The following GMDS variants were observed in gnomAD, a reference collection of about 807,000 sequenced individuals.
GMDS encodes GDP-mannose 4,6 dehydratase.
Under a neutral mutation model 49.9 loss-of-function variants are expected in GMDS, and 20 were observed. The observed-to-expected ratio is 0.40, with a 90% CI of 0.28 to 0.58. The LOEUF (loss-of-function observed/expected upper bound fraction) is 0.58. Among genes scored for constraint, GMDS ranks in the 20% least tolerant of loss-of-function variants. The pLI, the probability that GMDS is intolerant of heterozygous loss-of-function variation, is 0.42. For missense variants in GMDS, 362 were observed against 481.4 expected (o/e 0.75, Z 2.32); for synonymous variants, 177 against 178.6 (o/e 0.99, Z 0.07).
At position 1,623,958 on chromosome 6, in the gene GMDS, C is replaced by G; in HGVS notation, c.*211G>C. 1.9e-6 allele frequency: 1 copy of G among 526,838 alleles called. No individual in the cohort carries two copies. 32.6% of individuals were successfully genotyped at this position (526,838 alleles called of 1,614,324 possible). ...GCCATTCAGAGGAGGCTTCGACAAACGCAAAGCGACCCAAACCCTGGAGGG... is the reference window on the plus strand; with the variant it reads ...GCCATTCAGAGGAGGCTTCGACAAAGGCAAAGCGACCCAAACCCTGGAGGG... On this transcript the variant is annotated 3_prime_UTR_variant, in exon 11 of 11. Coordinates refer to ENST00000380815, the MANE Select transcript of GMDS (RefSeq NM_001500.4).
chr6:1,959,804 A>G (rs949322385), intron 6 of GMDS, 63 bp downstream of exon 6: 20 of 929,468 alleles, frequency 2.2e-5, no homozygotes, highest in Non-Finnish European at 3.4e-5. Flanking sequence ...CACCAAATAG[A>G]CATGCAACTT....
intron 7 of GMDS, among the ~76,000 whole-genome samples, chr6:1,908,133 G>T (rs1264611024): frequency 2.0e-5 from 3 of 152,140 alleles, no homozygotes. Flanking sequence ...GCTACTAAGA[G>T]ACTAATGGGT....
chr6:2,147,975 G>A (rs1776653085), intron 1 of GMDS, among the ~76,000 whole-genome samples: 4 of 151,878 alleles, frequency 2.6e-5, no homozygotes, highest in Admixed American at 1.3e-4. Flanking sequence ...TACGTTAGGA[G>A]TAGAATCTTG....
intron 7 of GMDS, among the ~76,000 whole-genome samples, chr6:1,868,441 C>T (rs1025605983): frequency 6.6e-6 from 1 of 152,114 alleles, no homozygotes; most frequent in Non-Finnish European, 1.5e-5. Context: ...CCGCAGTGAT[C>T]CCGGTTGAAT....
intron 1 of GMDS, among the ~76,000 whole-genome samples, chr6:2,162,602 C>T (rs1264686258): frequency 6.7e-6 from 1 of 149,820 alleles, no homozygotes; most frequent in South Asian, 2.1e-4. Flanking sequence ...TTATTGCTAG[C>T]AAAATTATTC....
At chr6:1,688,156 C>T (rs1765050764) in intron 9 of GMDS, among the ~76,000 whole-genome samples, 1 of 152,118 alleles carries the variant, frequency 6.6e-6, no homozygotes, top group Admixed American at 6.5e-5. Context: ...GTGAGTGAAC[C>T]GTTCGCTGAT....
intron 1 of GMDS, among the ~76,000 whole-genome samples, chr6:2,161,540 G>C (rs558660460): frequency 6.6e-6 from 1 of 152,262 alleles, no homozygotes; most frequent in South Asian, 2.1e-4. Context: ...GTTTCTTGGA[G>C]GTTTTCTGTT....
intron 9 of GMDS, among the ~76,000 whole-genome samples, chr6:1,651,050 G>A (rs968391059): frequency 1.2e-4 from 18 of 152,236 alleles, no homozygotes; most frequent in Non-Finnish European, 2.6e-4. Context: ...TTGGTGAGTG[G>A]TTTTCCTGGG....
At chr6:1,871,615 T>A (rs561191581) in intron 7 of GMDS, among the ~76,000 whole-genome samples, 1 of 152,362 alleles carries the variant, frequency 6.6e-6, no homozygotes, top group African/African-American at 2.4e-5. Context: ...ACCAATTTTA[T>A]AATAGAAAAA....
chr6:2,028,977 G>C (rs1423254119), intron 4 of GMDS, among the ~76,000 whole-genome samples: 1 of 151,380 alleles, frequency 6.6e-6, no homozygotes, highest in Non-Finnish European at 1.5e-5. Context: ...TGGCTCTGCT[G>C]GGTGATTTTT....
intron 2 of GMDS, among the ~76,000 whole-genome samples, chr6:2,119,787 T>C (rs1311144718): frequency 6.6e-6 from 1 of 152,208 alleles, no homozygotes; most frequent in Non-Finnish European, 1.5e-5. Context: ...AAAAACAAAA[T>C]ATAATTCTGA....
At chr6:2,164,775 T>C (rs1374206368) in intron 1 of GMDS, among the ~76,000 whole-genome samples, 1 of 152,226 alleles carries the variant, frequency 6.6e-6, no homozygotes, top group Non-Finnish European at 1.5e-5. Context: ...TAATACAACT[T>C]AAGGTTCTCC....
intron 4 of GMDS, among the ~76,000 whole-genome samples, chr6:2,111,121 G>T (rs964278525): frequency 6.6e-6 from 1 of 152,142 alleles, no homozygotes; most frequent in Non-Finnish European, 1.5e-5. Context: ...AGACATGGGG[G>T]ACGAATCGAA....
chr6:1,966,035 T>C (rs577334028), intron 4 of GMDS, among the ~76,000 whole-genome samples: 1 of 152,268 alleles, frequency 6.6e-6, no homozygotes, highest in Admixed American at 6.5e-5. Flanking sequence ...TGTTTACAGG[T>C]CTTCTATGCT....
chr6:1,750,160 C>G (rs1278805640), intron 7 of GMDS, among the ~76,000 whole-genome samples: 1 of 152,160 alleles, frequency 6.6e-6, no homozygotes, highest in Non-Finnish European at 1.5e-5. Context: ...AAGTTGTGTC[C>G]AATTTCATTG....
intron 7 of GMDS, among the ~76,000 whole-genome samples, chr6:1,811,820 A>G (rs1156839598): frequency 1.3e-5 from 2 of 152,216 alleles, no homozygotes; most frequent in African/African-American, 4.8e-5. Flanking sequence ...GGTCCATTAC[A>G]GTACAATGTC....
Position 1,819,776 on chromosome 6 carries a change from A to AATAT in GMDS, c.772-77194_772-77191dup, listed in dbSNP as rs397742149. ...ACTCTGCCTCAAAAAAAAAAAAAAA[A>AATAT]ATATATATATATATATATATATCTA... is the stretch of plus-strand genomic sequence containing the variant. On this transcript the variant is annotated intron_variant, in intron 7 of 10. Transcript: ENST00000380815. Among the ~76,000 whole-genome samples, 372 of 103,458 alleles carry AATAT rather than the reference A, an allele frequency of 3.6e-3. 2 individuals carry two copies. The highest frequency in any genetic ancestry group is 7.5e-3 in the East Asian group (28 of 3,722). The allele number at this position is 103,458 out of a possible 152,430, so 67.9% of individuals were successfully genotyped here.
At chr6:2,208,866 A>C (rs1016887637) in intron 1 of GMDS, among the ~76,000 whole-genome samples, 15 of 151,830 alleles carry the variant, frequency 9.9e-5, no homozygotes, top group African/African-American at 2.9e-4. Flanking sequence ...AAAAAAAAAA[A>C]AAAACTATTA....
chr6:2,046,684 A>G (rs1388030224), intron 4 of GMDS, among the ~76,000 whole-genome samples: 1 of 152,012 alleles, frequency 6.6e-6, no homozygotes, highest in Non-Finnish European at 1.5e-5. Context: ...CTGATCTCAA[A>G]CTGCTGAGCT....
Sources: allele counts gnomAD v4.1 joint callset (sites outside exome capture counted in the v4.1 genomes callset), GRCh38; gene constraint gnomAD v4.1.1; transcripts MANE v1.5; gene names NCBI Gene and HGNC (gene_info 2026-07-23, HGNC 2026-07-21).